The following CDKAL1 variants were observed in gnomAD, a reference collection of about 807,000 sequenced individuals.
CDKAL1 encodes the protein threonylcarbamoyladenosine tRNA methylthiotransferase.
Under a neutral mutation model 68.2 loss-of-function variants are expected in CDKAL1, and 32 were observed. The observed-to-expected ratio is 0.47, with a 90% CI of 0.35 to 0.63. The LOEUF (loss-of-function observed/expected upper bound fraction) is 0.63, where lower values mean the gene tolerates loss of function less well. Ranked by LOEUF, CDKAL1 falls within the 30% of genes least tolerant of loss-of-function variation. The probability of loss-of-function intolerance (pLI) is 0.00; values close to 1 mark genes in which losing one functional copy is unlikely to be tolerated. For missense variants in CDKAL1, 606 were observed against 696.7 expected (o/e 0.87, Z 1.47); for synonymous variants, 234 against 244.3 (o/e 0.96, Z 0.39).
At chr6:21,109,235 T>C (rs1774004973) in intron 13 of CDKAL1, among the ~76,000 whole-genome samples, 1 of 152,242 alleles carries the variant, frequency 6.6e-6, no homozygotes, top group South Asian at 2.1e-4. Flanking sequence ...AGGATTCCAG[T>C]AAATCTGTTA....
chr6:20,981,878 T>A (rs1295977889), intron 10 of CDKAL1, among the ~76,000 whole-genome samples: 1 of 152,194 alleles, frequency 6.6e-6, no homozygotes, highest in Non-Finnish European at 1.5e-5. Flanking sequence ...CCCATCACTC[T>A]CCTTCCTTCC....
At chr6:21,007,177 G>A (rs1767771269) in intron 11 of CDKAL1, among the ~76,000 whole-genome samples, 1 of 152,074 alleles carries the variant, frequency 6.6e-6, no homozygotes. Context: ...GGTGGCTCAT[G>A]CCTGTAATCC....
intron 5 of CDKAL1, among the ~76,000 whole-genome samples, chr6:20,678,937 A>T (rs1423987334): frequency 1.3e-5 from 2 of 151,992 alleles, no homozygotes; most frequent in African/African-American, 4.8e-5. Flanking sequence ...TCTTCCTCAT[A>T]CCCAGTCTGG....
chr6:21,178,061 A>G (rs1777654465), intron 13 of CDKAL1, among the ~76,000 whole-genome samples: 1 of 152,102 alleles, frequency 6.6e-6, no homozygotes. Flanking sequence ...TTAGTCTATC[A>G]ACTATGTAAT....
intron 9 of CDKAL1, among the ~76,000 whole-genome samples, chr6:20,875,071 G>A (rs1295038860): frequency 6.6e-6 from 1 of 151,392 alleles, no homozygotes; most frequent in Non-Finnish European, 1.5e-5. Flanking sequence ...AGGCCGAGGC[G>A]GGTGGATCAT....
At chr6:20,609,264 C>CCTCCTT (rs1561962913) in intron 4 of CDKAL1, among the ~76,000 whole-genome samples, 1 of 79,940 alleles carries the variant, frequency 1.3e-5, no homozygotes, top group African/African-American at 5.0e-5. Flanking sequence ...CTCCTTCCTT[C>CCTCCTT]CTCCTCCTTC....
rs1313543682 is a variant in CDKAL1, at chr6:20,753,955, GTA to G, written c.469-4638_469-4637del. On this transcript the variant is annotated intron_variant, in intron 6 of 15. Transcript: ENST00000274695. The stretch of plus-strand genomic sequence containing the variant: ...TTTTCACCAACACTCGTTATTATCT[GTA>G]TGTGTGTGTGTGTGTGTGTGTGTGT... 2.0e-3 allele frequency among the ~76,000 whole-genome samples: 227 copies of G among 115,296 alleles called. 2 individuals carry two copies. The highest frequency in any genetic ancestry group is 4.3e-3 in the Middle Eastern group (1 of 234). 75.6% of individuals were successfully genotyped at this position (115,296 alleles called of 152,430 possible).
At chr6:21,003,411 C>G (rs55872854) in intron 11 of CDKAL1, among the ~76,000 whole-genome samples, 1 of 134,256 alleles carries the variant, frequency 7.4e-6, no homozygotes, top group Non-Finnish European at 1.6e-5. Context: ...CATACCTACA[C>G]AAAAATTAGC....
At chr6:21,197,113 ATGCCAC>A (rs71776982) in intron 13 of CDKAL1, among the ~76,000 whole-genome samples, 5,508 of 152,004 alleles carry the variant, frequency 0.036, 301 homozygotes, top group African/African-American at 0.12. Context: ...AGCCAAGATC[ATGCCAC>A]TGAACTCTAG....
At chr6:21,216,809 T>A (rs933366050) in intron 15 of CDKAL1, among the ~76,000 whole-genome samples, 5 of 152,208 alleles carry the variant, frequency 3.3e-5, no homozygotes, top group African/African-American at 1.2e-4. Flanking sequence ...CTAGAGCTTC[T>A]AACTTACATC....
intron 9 of CDKAL1, among the ~76,000 whole-genome samples, chr6:20,876,667 A>G (rs1209493913): frequency 5.9e-5 from 9 of 152,158 alleles, no homozygotes; most frequent in Non-Finnish European, 1.0e-4. Context: ...TATGAATGCA[A>G]ATTCTGTTGC....
chr6:21,133,185 G>T (rs909185184), intron 13 of CDKAL1, among the ~76,000 whole-genome samples: 4 of 152,174 alleles, frequency 2.6e-5, no homozygotes, highest in Non-Finnish European at 5.9e-5. Flanking sequence ...GCCAATTCAC[G>T]TGTCAGGCAG....
intron 6 of CDKAL1, among the ~76,000 whole-genome samples, chr6:20,746,935 A>T (rs918632944): frequency 6.6e-6 from 1 of 152,076 alleles, no homozygotes; most frequent in South Asian, 2.1e-4. Context: ...ATGTAATTAG[A>T]TCTCTAGACT....
chr6:20,545,497 T>G (rs1319543539), intron 2 of CDKAL1, among the ~76,000 whole-genome samples: 1 of 152,060 alleles, frequency 6.6e-6, no homozygotes. Context: ...AGTGCAGTGG[T>G]GCACTCTCGA....
chr6:20,864,761 C>G (rs1478607812), intron 9 of CDKAL1, among the ~76,000 whole-genome samples: 1 of 152,128 alleles, frequency 6.6e-6, no homozygotes, highest in Non-Finnish European at 1.5e-5. Flanking sequence ...TAGTCAACCA[C>G]TCTATTGCTA....
chr6:20,974,137 G>A (rs1765729343), intron 10 of CDKAL1, among the ~76,000 whole-genome samples: 2 of 152,198 alleles, frequency 1.3e-5, no homozygotes, highest in South Asian at 4.1e-4. Flanking sequence ...TCTTCAGTGT[G>A]TGCCTTCCCT....
rs528428343 is a variant in CDKAL1, at chr6:20,919,617, C to G, written c.743-35802C>G. On this transcript the variant is annotated intron_variant, in intron 9 of 15. Transcript: ENST00000274695. ...ATTTGCTGAGAATGATGGTTTCCAG[C>G]TTCATCCATGTCCCTGCAAAGGACA... Among the ~76,000 whole-genome samples the G allele has an allele frequency of 1.2e-4, 18 of 152,218 alleles. No homozygotes were observed. In the East Asian group the frequency reaches 3.5e-3, roughly 29 times the overall value.
intron 9 of CDKAL1, among the ~76,000 whole-genome samples, chr6:20,919,100 G>T (rs1302258099): frequency 6.6e-6 from 1 of 152,178 alleles, no homozygotes; most frequent in Non-Finnish European, 1.5e-5. Context: ...AACAGAAACA[G>T]AGTATTAAAG....
intron 8 of CDKAL1, among the ~76,000 whole-genome samples, chr6:20,838,217 T>C (rs1329074056): frequency 1.3e-5 from 2 of 152,138 alleles, no homozygotes; most frequent in Non-Finnish European, 2.9e-5. Context: ...GTATAATGTA[T>C]ACATATATTA....
Sources: allele counts gnomAD v4.1 joint callset (sites outside exome capture counted in the v4.1 genomes callset), GRCh38; gene constraint gnomAD v4.1.1; transcripts MANE v1.5; gene names NCBI Gene and HGNC (gene_info 2026-07-23, HGNC 2026-07-21).